The following MTHFD1L variants were observed in gnomAD, a reference collection of about 807,000 sequenced individuals.
MTHFD1L encodes monofunctional C1-tetrahydrofolate synthase, mitochondrial.
In MTHFD1L, 81 loss-of-function variants were observed where a neutral mutation model predicts 119.5. That is an observed-to-expected ratio of 0.68 (90% CI 0.57 to 0.82). The LOEUF is 0.82. MTHFD1L is among the 40% of genes least tolerant of loss of function. MTHFD1L has a pLI of 0.00. For synonymous variants in MTHFD1L, 430 were observed against 475.2 expected, an observed-to-expected ratio of 0.90 and a Z score of 1.24; for missense variants, 1,125 against 1,253.4, an observed-to-expected ratio of 0.90 and a Z score of 1.55.
intron 20 of MTHFD1L, among the ~76,000 whole-genome samples, chr6:150,989,389 G>A (rs180741366): frequency 6.4e-4 from 97 of 152,184 alleles, no homozygotes; most frequent in African/African-American, 2.3e-3. Flanking sequence ...TATACTCACC[G>A]TTATTATTCA....
intron 20 of MTHFD1L, among the ~76,000 whole-genome samples, chr6:150,985,824 C>T (rs1304014661): frequency 6.6e-6 from 1 of 152,138 alleles, no homozygotes; most frequent in Non-Finnish European, 1.5e-5. Context: ...ATTTCCGTGC[C>T]TTTCCCTGTC....
At position 150,916,855 on chromosome 6, in the gene MTHFD1L, C is replaced by T. The variant is rs576715985; in HGVS notation, c.893-1722C>T. Among the ~76,000 whole-genome samples the T allele has an allele frequency of 9.4e-4, 135 of 143,782 alleles. No homozygotes were observed. In the Middle Eastern group the frequency reaches 0.037, roughly 40 times the overall value. The allele number at this position is 143,782 out of a possible 152,430, so 94.3% of individuals were successfully genotyped here. On this transcript the variant is annotated intron_variant, in intron 8 of 27. Transcript: ENST00000367321. Reference sequence around the variant, plus strand: ...TCAGCTCACTGCAACCTCGGCCTCCCGGTTCAAGCGATTCTCCTGCCTCAG... The same window carrying T: ...TCAGCTCACTGCAACCTCGGCCTCCTGGTTCAAGCGATTCTCCTGCCTCAG...
chr6:151,035,108 G>A (rs1402986373), intron 25 of MTHFD1L, among the ~76,000 whole-genome samples: 4 of 152,294 alleles, frequency 2.6e-5, no homozygotes, highest in South Asian at 2.1e-4. Context: ...GAGCTTGTCC[G>A]CTGAGATTGA....
At chr6:150,967,964 C>G (rs1797469845) in intron 19 of MTHFD1L, among the ~76,000 whole-genome samples, 1 of 152,018 alleles carries the variant, frequency 6.6e-6, no homozygotes, top group Non-Finnish European at 1.5e-5. Context: ...GGCTCTCACC[C>G]CTTCCCGCTC....
intron 26 of MTHFD1L, among the ~76,000 whole-genome samples, chr6:151,081,013 G>T (rs563985531): frequency 6.6e-6 from 1 of 152,106 alleles, no homozygotes; most frequent in Non-Finnish European, 1.5e-5. Context: ...AAATGTAGTC[G>T]TATTGGGGGA....
At chr6:151,095,100 C>T (rs1477945139) in intron 27 of MTHFD1L, among the ~76,000 whole-genome samples, 1 of 152,106 alleles carries the variant, frequency 6.6e-6, no homozygotes, top group African/African-American at 2.4e-5. Flanking sequence ...TGCTGAGGAG[C>T]GGGAGCTGTG....
intron 8 of MTHFD1L, among the ~76,000 whole-genome samples, chr6:150,914,924 A>G (rs1045978022): frequency 5.9e-5 from 9 of 151,988 alleles, no homozygotes; most frequent in Admixed American, 6.6e-5. Context: ...CTCTTCCACA[A>G]ATTTCTCAAA....
At chr6:150,982,605 A>ATAAAGCCAAATTG (rs1777687250) in intron 20 of MTHFD1L, among the ~76,000 whole-genome samples, 1 of 152,152 alleles carries the variant, frequency 6.6e-6, no homozygotes, top group Non-Finnish European at 1.5e-5. Context: ...AACTTAATAG[A>ATAAAGCCAAATTG]TAAAGCCAAA....
intron 26 of MTHFD1L, among the ~76,000 whole-genome samples, chr6:151,056,746 C>T (rs1790002177): frequency 6.6e-6 from 1 of 152,134 alleles, no homozygotes; most frequent in Non-Finnish European, 1.5e-5. Context: ...GCTCCTTTTC[C>T]AAGCAGGACT....
intron 4 of MTHFD1L, among the ~76,000 whole-genome samples, chr6:150,881,480 C>T (rs1195137714): frequency 6.6e-6 from 1 of 152,020 alleles, no homozygotes; most frequent in Non-Finnish European, 1.5e-5. Context: ...AGAGTAGGTA[C>T]CTTAATTTAT....
At position 151,046,471 on chromosome 6, in the gene MTHFD1L, G is replaced by GTGTATATATA. The variant is rs1171603108; in HGVS notation, c.2847+9355_2847+9356insGTATATATAT. 2.2e-3 allele frequency among the ~76,000 whole-genome samples: 80 copies of GTGTATATATA among 36,376 alleles called. 1 individual carries two copies. Among genetic ancestry groups the GTGTATATATA allele is most frequent in the East Asian group, 8.0e-3 (10 of 1,252 alleles). 23.9% of individuals were successfully genotyped at this position (36,376 alleles called of 152,430 possible). On this transcript the variant is annotated intron_variant, in intron 26 of 27. Coordinates refer to ENST00000367321, the MANE Select transcript of MTHFD1L (RefSeq NM_015440.5). ...ATATATATATATAATATGTGTGTGT[G>GTGTATATATA]TATATATATATATATATATATATAT...
intron 11 of MTHFD1L, among the ~76,000 whole-genome samples, chr6:150,929,616 G>A (rs897426511): frequency 4.6e-5 from 7 of 152,186 alleles, no homozygotes; most frequent in African/African-American, 1.4e-4. Flanking sequence ...TAGCTAGCAC[G>A]ACTGCCTGGG....
intron 19 of MTHFD1L, among the ~76,000 whole-genome samples, chr6:150,965,624 G>A (rs1248896060): frequency 1.3e-5 from 2 of 149,778 alleles, no homozygotes; most frequent in Non-Finnish European, 1.5e-5. Flanking sequence ...TCGCACCACC[G>A]CACTCCAGCC....
intron 9 of MTHFD1L, among the ~76,000 whole-genome samples, chr6:150,919,654 C>T (rs1200752050): frequency 2.6e-5 from 4 of 152,108 alleles, no homozygotes; most frequent in Non-Finnish European, 5.9e-5. Context: ...GGAACAGGAG[C>T]AGAGAGTGAG....
chr6:150,887,495 G>A (rs1782512694), intron 6 of MTHFD1L, among the ~76,000 whole-genome samples: 2 of 152,170 alleles, frequency 1.3e-5, no homozygotes, highest in Admixed American at 1.3e-4. Context: ...TTGCTCTGTT[G>A]CCCAGGCTGG....
At chr6:151,055,977 T>C (rs1240974744) in intron 26 of MTHFD1L, 3 of 152,230 alleles carry the variant, frequency 2.0e-5, no homozygotes, top group Non-Finnish European at 2.9e-5. Flanking sequence ...AAAAGTTTAG[T>C]AAATTTTAGG....
intron 7 of MTHFD1L, among the ~76,000 whole-genome samples, chr6:150,888,585 TATC>T (rs1782692798): frequency 6.6e-6 from 1 of 152,220 alleles, no homozygotes; most frequent in African/African-American, 2.4e-5. Flanking sequence ...AAAGCAGAGG[TATC>T]ATCTTCATGG....
At chr6:151,006,866 G>A (rs1017202999) in intron 20 of MTHFD1L, among the ~76,000 whole-genome samples, 4 of 151,948 alleles carry the variant, frequency 2.6e-5, no homozygotes, top group East Asian at 1.9e-4. Context: ...ATCAGCCCCC[G>A]TTATGTAAAA....
At chr6:151,069,608 G>A (rs148828041) in intron 26 of MTHFD1L, among the ~76,000 whole-genome samples, 56 of 152,306 alleles carry the variant, frequency 3.7e-4, no homozygotes, top group African/African-American at 1.2e-3. Context: ...TGTTGCAGTG[G>A]CAACGCTCCT....
Sources: gnomAD v4.1 joint callset for allele counts (sites outside exome capture counted in the v4.1 genomes callset) on GRCh38, gnomAD v4.1.1 for gene constraint, MANE v1.5 for transcripts, NCBI Gene and HGNC (gene_info 2026-07-23, HGNC 2026-07-21) for gene names.